The following SNX6 variants were observed in gnomAD, a reference collection of about 807,000 sequenced individuals.
SNX6 encodes sorting nexin-6.
SNX6 carries 34 observed loss-of-function variants against 63.0 expected under a neutral mutation model. That is an observed-to-expected ratio of 0.54 (90% CI 0.41 to 0.72). The LOEUF is 0.72. Ranked by LOEUF, SNX6 falls within the 30% of genes least tolerant of loss-of-function variation. SNX6 has a pLI of 0.00. For missense variants in SNX6, 398 were observed against 471.4 expected (o/e 0.84, Z 1.44); for synonymous variants, 170 against 164.2 (o/e 1.04, Z -0.27).
intron 6 of SNX6, among the ~76,000 whole-genome samples, chr14:34,599,412 C>G (rs1882718345): frequency 6.6e-6 from 1 of 151,988 alleles, no homozygotes; most frequent in South Asian, 2.1e-4. Context: ...TCAAAACTAG[C>G]CTTGAAGAAC....
At chr14:34,564,784 G>A (rs187119842) in intron 13 of SNX6, among the ~76,000 whole-genome samples, 1,775 of 149,470 alleles carry the variant, frequency 0.012, 35 homozygotes, top group Non-Finnish European at 0.014. Flanking sequence ...CTGAGATCAC[G>A]CCACTGCACT....
chr14:34,630,038 C>T (rs1883983133), intron 1 of SNX6, 73 bp downstream of exon 1: 2 of 1,440,116 alleles, frequency 1.4e-6, no homozygotes, highest in African/African-American at 1.5e-5. Context: ...CAGGCTGGCG[C>T]GGTCCCCGCG....
At chr14:34,581,414 A>G (rs1881928874) in intron 10 of SNX6, 147 bp downstream of exon 10, 1 of 451,698 alleles carries the variant, frequency 2.2e-6, no homozygotes, top group African/African-American at 1.9e-5. Flanking sequence ...GGCCTCCCAA[A>G]GTGTTGGGAT....
intron 2 of SNX6, among the ~76,000 whole-genome samples, chr14:34,628,084 C>T (rs114666178): frequency 6.6e-6 from 1 of 152,316 alleles, no homozygotes; most frequent in African/African-American, 2.4e-5. Context: ...GGCACAGTGA[C>T]TCACGCCTAT....
intron 2 of SNX6, among the ~76,000 whole-genome samples, chr14:34,610,883 G>C (rs537977358): frequency 6.6e-6 from 1 of 152,074 alleles, no homozygotes; most frequent in African/African-American, 2.4e-5. Flanking sequence ...AATCTCACCT[G>C]GTCATTAGTA....
At chr14:34,601,722 G>C (rs1472858107) in intron 6 of SNX6, among the ~76,000 whole-genome samples, 1 of 151,758 alleles carries the variant, frequency 6.6e-6, no homozygotes, top group African/African-American at 2.4e-5. Context: ...AGCCTCCCGA[G>C]TAGCTGGGAT....
intron 6 of SNX6, among the ~76,000 whole-genome samples, chr14:34,602,195 G>T (rs537230013): frequency 1.3e-5 from 2 of 152,060 alleles, no homozygotes; most frequent in South Asian, 2.1e-4. Flanking sequence ...GGAGGCTAAG[G>T]TGGGAGGATC....
chr14:34,565,783 G>A (rs1434388412), intron 13 of SNX6, among the ~76,000 whole-genome samples: 1 of 151,946 alleles, frequency 6.6e-6, no homozygotes, highest in Admixed American at 6.6e-5. Flanking sequence ...TCCGCCTCCC[G>A]GGTTCATGCC....
At chr14:34,618,790 G>C (rs976945505) in intron 2 of SNX6, among the ~76,000 whole-genome samples, 2 of 152,062 alleles carry the variant, frequency 1.3e-5, no homozygotes, top group Admixed American at 1.3e-4. Flanking sequence ...CCTCAGGAAG[G>C]CCTTTCCTAG....
At chr14:34,579,790 C>G (rs943688434) in intron 10 of SNX6, among the ~76,000 whole-genome samples, 1 of 151,056 alleles carries the variant, frequency 6.6e-6, no homozygotes, top group Non-Finnish European at 1.5e-5. Flanking sequence ...GAGTTTCAGA[C>G]CAGCCTGGGC....
At chr14:34,609,134 G>C (rs1594740770) in intron 3 of SNX6, among the ~76,000 whole-genome samples, 1 of 151,738 alleles carries the variant, frequency 6.6e-6, no homozygotes, top group East Asian at 1.9e-4. Context: ...TAAAAATTTG[G>C]AAAAAAATTA....
chr14:34,587,536 A>C (rs1205339454), intron 8 of SNX6, among the ~76,000 whole-genome samples: 1 of 89,014 alleles, frequency 1.1e-5, no homozygotes. Flanking sequence ...CCATCTCAAA[A>C]AAAAAAAAAA....
At chr14:34,598,516 C>T (rs574029070) in intron 6 of SNX6, among the ~76,000 whole-genome samples, 6 of 152,268 alleles carry the variant, frequency 3.9e-5, no homozygotes, top group South Asian at 2.1e-4. Flanking sequence ...CTCAGCCTCC[C>T]GAGTAGCTGG....
chr14:34,620,995 C>A (rs1416197488), intron 2 of SNX6, among the ~76,000 whole-genome samples: 2 of 152,150 alleles, frequency 1.3e-5, no homozygotes. Flanking sequence ...GTCACCCAGG[C>A]TGGAATGCAG....
chr14:34,582,362 A>T (rs1012917556), intron 9 of SNX6, among the ~76,000 whole-genome samples: 3 of 151,750 alleles, frequency 2.0e-5, no homozygotes, highest in Admixed American at 6.6e-5. Context: ...GTGGTGGTGC[A>T]CACCTGTAGT....
intron 9 of SNX6, among the ~76,000 whole-genome samples, chr14:34,584,606 A>G (rs1882074675): frequency 6.6e-6 from 1 of 152,078 alleles, no homozygotes; most frequent in Non-Finnish European, 1.5e-5. Flanking sequence ...ATACATATAT[A>G]TATATTCTAA....
chr14:34,571,611 A>T (rs548017084), intron 11 of SNX6, among the ~76,000 whole-genome samples: 61 of 152,304 alleles, frequency 4.0e-4, no homozygotes, highest in African/African-American at 1.5e-3. Flanking sequence ...ATTGGGAGAA[A>T]GGAGGATGAA....
At chr14:34,601,855 A>G (rs1039142404) in intron 6 of SNX6, among the ~76,000 whole-genome samples, 4 of 149,886 alleles carry the variant, frequency 2.7e-5, no homozygotes, top group South Asian at 2.2e-4. Flanking sequence ...TTGGCCTCCC[A>G]AAGTGCTGGG....
intron 9 of SNX6, among the ~76,000 whole-genome samples, chr14:34,583,203 G>A (rs1055089257): frequency 1.3e-5 from 2 of 152,078 alleles, no homozygotes; most frequent in Admixed American, 6.6e-5. Context: ...CAGCTACTTG[G>A]GAGGCTGAGG....
Sources: allele counts gnomAD v4.1 joint callset (sites outside exome capture counted in the v4.1 genomes callset), GRCh38; gene constraint gnomAD v4.1.1; transcripts MANE v1.5; gene names NCBI Gene and HGNC (gene_info 2026-07-23, HGNC 2026-07-21).